ENTREP2: variants seen among roughly 807,000 people sequenced by gnomAD.
The protein encoded by ENTREP2 is protein ENTREP2.
At chr15:29,496,273 A>C in the ENTREP2 span, among the ~76,000 whole-genome samples, 3 of 152,026 alleles carry the variant, frequency 2.0e-5, no homozygotes, top group African/African-American at 7.2e-5. Flanking sequence ...AAATTCATTT[A>C]TAGTTCTAAT....
the ENTREP2 span, among the ~76,000 whole-genome samples, chr15:29,556,824 T>C: frequency 7.9e-4 from 116 of 147,376 alleles, no homozygotes; most frequent in African/African-American, 2.9e-3. Context: ...ATTGTTCTAC[T>C]CCAACTCCGG....
the ENTREP2 span, among the ~76,000 whole-genome samples, chr15:29,206,972 C>T: frequency 3.3e-5 from 5 of 152,124 alleles, no homozygotes; most frequent in African/African-American, 1.2e-4. Flanking sequence ...CACTGTCTCC[C>T]CGGCATAAAC....
At chr15:29,134,376 C>T in the ENTREP2 span, among the ~76,000 whole-genome samples, 2,708 of 152,226 alleles carry the variant, frequency 0.018, 95 homozygotes, top group African/African-American at 0.062. Flanking sequence ...GGGTCCTGGC[C>T]GGGGCTCAGG....
chr15:29,669,759 G>A, the ENTREP2 span, among the ~76,000 whole-genome samples: 2 of 152,316 alleles, frequency 1.3e-5, no homozygotes, highest in South Asian at 2.1e-4. Context: ...GGAACCTGGA[G>A]AGAGGTGATT....
chr15:29,193,679 C>T, the ENTREP2 span, among the ~76,000 whole-genome samples: 2 of 152,156 alleles, frequency 1.3e-5, no homozygotes, highest in Non-Finnish European at 2.9e-5. Flanking sequence ...GTCCTATTGG[C>T]TCTGTCTGGA....
At chr15:29,572,316 G>A in the ENTREP2 span, among the ~76,000 whole-genome samples, 3 of 152,176 alleles carry the variant, frequency 2.0e-5, no homozygotes, top group African/African-American at 4.8e-5. Context: ...GCCTCTGGCC[G>A]GCATTGTTTA....
the ENTREP2 span, among the ~76,000 whole-genome samples, chr15:29,314,457 C>G: frequency 6.6e-6 from 1 of 152,198 alleles, no homozygotes; most frequent in African/African-American, 2.4e-5. Context: ...GACCCTCCAC[C>G]AGCAAACAGA....
At chr15:29,535,283 C>G in the ENTREP2 span, among the ~76,000 whole-genome samples, 2 of 152,054 alleles carry the variant, frequency 1.3e-5, no homozygotes, top group Non-Finnish European at 2.9e-5. Context: ...AAGTAAAAAG[C>G]TAAAGTTGAA....
At chr15:29,151,904 C>T in the ENTREP2 span, 2 of 1,269,500 alleles carry the variant, frequency 1.6e-6, no homozygotes, top group South Asian at 2.6e-5. Flanking sequence ...AATCCTTAGC[C>T]CTCCTGCCAG....
At chr15:29,643,429 GC>G in the ENTREP2 span, among the ~76,000 whole-genome samples, 41 of 152,200 alleles carry the variant, frequency 2.7e-4, 1 homozygote, top group South Asian at 8.5e-3. Context: ...ACATGAGACG[GC>G]ACTTCACATC....
chr15:29,628,180 T>C, the ENTREP2 span, among the ~76,000 whole-genome samples: 4 of 152,228 alleles, frequency 2.6e-5, no homozygotes, highest in Non-Finnish European at 4.4e-5. Context: ...GTCATCCTAA[T>C]GGGTATGAAG....
chr15:29,589,083 A>G, the ENTREP2 span, among the ~76,000 whole-genome samples: 22 of 152,302 alleles, frequency 1.4e-4, no homozygotes, highest in Non-Finnish European at 5.9e-5. Context: ...AATGAAAGGA[A>G]GTGATTACTA....
At chr15:29,130,931 C>A in the ENTREP2 span, among the ~76,000 whole-genome samples, 1 of 152,322 alleles carries the variant, frequency 6.6e-6, no homozygotes, top group South Asian at 2.1e-4. Flanking sequence ...ATAAACACAG[C>A]TCCTTACAGA....
At chr15:29,341,850 G>T in the ENTREP2 span, among the ~76,000 whole-genome samples, 1 of 152,202 alleles carries the variant, frequency 6.6e-6, no homozygotes, top group Non-Finnish European at 1.5e-5. Flanking sequence ...TGGACTACAG[G>T]ATATTGTCAG....
chr15:29,360,807 C>T, the ENTREP2 span, among the ~76,000 whole-genome samples: 1 of 152,302 alleles, frequency 6.6e-6, no homozygotes, highest in Admixed American at 6.5e-5. Context: ...CTCCTCTGGT[C>T]TGAGAGCCAG....
At chr15:29,303,403 CAGAT>C in the ENTREP2 span, among the ~76,000 whole-genome samples, 1 of 152,166 alleles carries the variant, frequency 6.6e-6, no homozygotes, top group Admixed American at 6.5e-5. Flanking sequence ...TGATTTCAGA[CAGAT>C]AGCCCATGGC....
At chr15:29,406,570 A>T in the ENTREP2 span, among the ~76,000 whole-genome samples, 1 of 152,154 alleles carries the variant, frequency 6.6e-6, no homozygotes, top group East Asian at 1.9e-4. Context: ...AAAGAATATT[A>T]AAAAATATAT....
the ENTREP2 span, among the ~76,000 whole-genome samples, chr15:29,262,684 G>C: frequency 1.3e-5 from 2 of 152,208 alleles, no homozygotes; most frequent in African/African-American, 4.8e-5. Flanking sequence ...GTAAACGTAA[G>C]TGTTTCCCTG....
the ENTREP2 span, among the ~76,000 whole-genome samples, chr15:29,134,687 C>T: frequency 4.7e-4 from 71 of 152,322 alleles, no homozygotes; most frequent in Middle Eastern, 6.8e-3. Context: ...GTGTGATTGT[C>T]GGAAGGGCTT....
Sources: gnomAD v4.1 joint callset for allele counts (sites outside exome capture counted in the v4.1 genomes callset) on GRCh38, gnomAD v4.1.1 for gene constraint, MANE v1.5 for transcripts, NCBI Gene and HGNC (gene_info 2026-07-23, HGNC 2026-07-21) for gene names.